The following EXOC4 variants were observed in gnomAD, a reference collection of about 807,000 sequenced individuals.
EXOC4 encodes the protein SEC8-like 1.
Under a neutral mutation model 107.2 loss-of-function variants are expected in EXOC4, and 71 were observed. The observed-to-expected ratio is 0.66, with a 90% confidence interval of 0.55 to 0.81. The LOEUF (loss-of-function observed/expected upper bound fraction) is 0.81. Ranked by LOEUF, EXOC4 falls within the 30% of genes least tolerant of loss-of-function variation. The probability of loss-of-function intolerance (pLI) is 0.00; values close to 1 mark genes in which losing one functional copy is unlikely to be tolerated. For synonymous variants in EXOC4, 456 were observed against 441.2 expected (o/e 1.03, Z -0.42); for missense variants, 1,108 against 1,189.6 (o/e 0.93, Z 1.01).
At position 133,917,582 on chromosome 7, in the gene EXOC4, G is replaced by A. The variant is rs79510178; in HGVS notation, c.1872-1G>A. On this transcript the variant is annotated splice_acceptor_variant, in intron 12 of 17. Transcript: ENST00000253861. LOFTEE classifies it high-confidence loss of function. ...GTCTCTTTTCTATTGGCTGTGTTTA[G>A]GGGTATTGTCCAGTCAGAAGAAAAA... is the stretch of plus-strand genomic sequence containing the variant. 6.2e-7 allele frequency: 1 copy of A among 1,613,630 alleles called. No homozygotes were observed. The highest frequency in any genetic ancestry group is 8.5e-7 in the Non-Finnish European group (1 of 1,179,770).
chr7:133,834,713 G>A (rs1468450034), intron 11 of EXOC4, among the ~76,000 whole-genome samples: 1 of 152,198 alleles, frequency 6.6e-6, no homozygotes, highest in Non-Finnish European at 1.5e-5. Context: ...CAAGAAATTT[G>A]TAAACAGCAA....
intron 11 of EXOC4, among the ~76,000 whole-genome samples, chr7:133,877,132 T>C (rs534658653): frequency 3.2e-4 from 49 of 152,246 alleles, no homozygotes; most frequent in Non-Finnish European, 5.3e-4. Context: ...TTGGAATAGT[T>C]TCTATTGCTG....
At chr7:133,336,690 A>AT (rs1340128017) in intron 5 of EXOC4, among the ~76,000 whole-genome samples, 2 of 138,012 alleles carry the variant, frequency 1.4e-5, no homozygotes, top group African/African-American at 5.4e-5. Flanking sequence ...TTTTTATTTT[A>AT]TTTATTTTAT....
chr7:133,863,379 G>C (rs1322525292), intron 11 of EXOC4, among the ~76,000 whole-genome samples: 1 of 152,126 alleles, frequency 6.6e-6, no homozygotes, highest in Admixed American at 6.6e-5. Flanking sequence ...AATACACTCT[G>C]ACTAAATGCC....
At chr7:133,253,330 C>G in intron 1 of EXOC4, 143 bp downstream of exon 1, 1 of 1,413,488 alleles carries the variant, frequency 7.1e-7, no homozygotes, top group Non-Finnish European at 9.2e-7. Context: ...GCTCTAACCC[C>G]TCCCCAGGGC....
chr7:133,452,070 T>C (rs1224594961), intron 7 of EXOC4, among the ~76,000 whole-genome samples: 1 of 152,206 alleles, frequency 6.6e-6, no homozygotes, highest in Non-Finnish European at 1.5e-5. Flanking sequence ...TTGAAAGCTT[T>C]TTGTCCTACT....
chr7:133,795,634 A>G (rs1796797966), intron 10 of EXOC4, among the ~76,000 whole-genome samples: 1 of 152,170 alleles, frequency 6.6e-6, no homozygotes, highest in African/African-American at 2.4e-5. Flanking sequence ...TATTATCTCT[A>G]TATGAATTTG....
rs1794797673 is a variant in EXOC4, at chr7:133,379,477, A to C, written c.1182+4475A>C. 1.3e-5 allele frequency among the ~76,000 whole-genome samples: 2 copies of C among 152,158 alleles called. 1 individual carries two copies. Among genetic ancestry groups the C allele is most frequent in the Admixed American group, 1.3e-4 (2 of 15,260 alleles). ...AAGAGATAACCATGAAATACTAATAAAAATAGCTAGTATTACACAAATACA... is the reference window on the plus strand; with the variant it reads ...AAGAGATAACCATGAAATACTAATACAAATAGCTAGTATTACACAAATACA... On this transcript the variant is annotated intron_variant, in intron 7 of 17. Coordinates refer to ENST00000253861, the MANE Select transcript of EXOC4 (RefSeq NM_021807.4).
At chr7:134,093,541 C>T in the EXOC4 span, among the ~76,000 whole-genome samples, 3 of 152,056 alleles carry the variant, frequency 2.0e-5, no homozygotes, top group Non-Finnish European at 4.4e-5. Context: ...ACAAAGAAAT[C>T]CTGGACTTAA....
intron 11 of EXOC4, among the ~76,000 whole-genome samples, chr7:133,850,400 G>GA (rs1292194021): frequency 2.0e-5 from 3 of 151,930 alleles, no homozygotes; most frequent in African/African-American, 7.3e-5. Flanking sequence ...AGTAGGTTTG[G>GA]AAAAAATTGG....
Position 133,949,004 on chromosome 7 carries a change from C to A in EXOC4, c.2206+10935C>A, listed in dbSNP as rs193087682. 5.4e-3 allele frequency among the ~76,000 whole-genome samples: 830 copies of A among 152,294 alleles called. 9 individuals are homozygous for A. The highest frequency in any genetic ancestry group is 0.019 in the African/African-American group (777 of 41,552). On this transcript the variant is annotated intron_variant, in intron 14 of 17. Transcript: ENST00000253861. ...CAAAGCTACAGCAGCAAGGCGAATG[C>A]AATGCTGTGTGCCTAATATAAATGG...
chr7:133,809,093 C>G (rs1442544188), intron 10 of EXOC4, among the ~76,000 whole-genome samples: 1 of 152,126 alleles, frequency 6.6e-6, no homozygotes, highest in Non-Finnish European at 1.5e-5. Context: ...CTCTTTGTAA[C>G]TCATGTATCA....
intron 1 of EXOC4, among the ~76,000 whole-genome samples, chr7:133,260,627 G>T (rs1209975457): frequency 6.6e-6 from 1 of 152,132 alleles, no homozygotes; most frequent in African/African-American, 2.4e-5. Flanking sequence ...TAGGTTGTTT[G>T]CATTTTCTTA....
chr7:133,992,710 T>C (rs1794292628), intron 14 of EXOC4, among the ~76,000 whole-genome samples: 1 of 150,018 alleles, frequency 6.7e-6, no homozygotes, highest in Admixed American at 6.7e-5. Context: ...CAAGGATAAT[T>C]TGATTTCTTC....
At chr7:134,013,872 A>T (rs529291878) in intron 17 of EXOC4, among the ~76,000 whole-genome samples, 142 of 152,304 alleles carry the variant, frequency 9.3e-4, no homozygotes, top group African/African-American at 3.3e-3. Context: ...GTAACAATAA[A>T]AAAAAAGAAA....
At chr7:134,033,182 C>G (rs554396767) in intron 17 of EXOC4, among the ~76,000 whole-genome samples, 12 of 148,230 alleles carry the variant, frequency 8.1e-5, no homozygotes, top group African/African-American at 2.7e-4. Context: ...ATCAGCAGTT[C>G]AAAAAAAAAA....
intron 14 of EXOC4, among the ~76,000 whole-genome samples, chr7:133,971,391 G>GAA: frequency 7.0e-6 from 1 of 142,184 alleles, no homozygotes. Flanking sequence ...GAGAGAGAGA[G>GAA]AGAGAGAGAG....
intron 1 of EXOC4, among the ~76,000 whole-genome samples, chr7:133,264,389 G>C (rs968163758): frequency 2.0e-5 from 3 of 152,100 alleles, no homozygotes; most frequent in African/African-American, 7.2e-5. Context: ...ACATCTCTTT[G>C]TATTGTTAGG....
chr7:133,720,555 A>G (rs1795087300), intron 10 of EXOC4, among the ~76,000 whole-genome samples: 1 of 152,154 alleles, frequency 6.6e-6, no homozygotes, highest in South Asian at 2.1e-4. Flanking sequence ...CCCTTTTGGA[A>G]TATATCAAGT....
Sources: allele counts gnomAD v4.1 joint callset (sites outside exome capture counted in the v4.1 genomes callset), GRCh38; gene constraint gnomAD v4.1.1; transcripts MANE v1.5; gene names NCBI Gene and HGNC (gene_info 2026-07-23, HGNC 2026-07-21).